Variants in NAPA observed in about 807,000 individuals in gnomAD.
NAPA encodes alpha-soluble NSF attachment protein.
NAPA carries 18 observed loss-of-function variants against 48.0 expected under a neutral mutation model. The observed-to-expected ratio is 0.38, with a 90% confidence interval of 0.26 to 0.56. NAPA has a LOEUF of 0.56. NAPA is among the 20% of genes least tolerant of loss of function. The probability of loss-of-function intolerance (pLI) is 0.77; values close to 1 mark genes in which losing one functional copy is unlikely to be tolerated. For synonymous variants in NAPA, 152 were observed against 149.9 expected (o/e 1.01, Z -0.10); for missense variants, 315 against 385.0 (o/e 0.82, Z 1.52).
At chr19:47,490,742 C>A (rs556305080) in intron 9 of NAPA, 46 bp downstream of exon 9, 17 of 1,575,324 alleles carry the variant, frequency 1.1e-5, no homozygotes, top group Admixed American at 1.7e-5. Context: ...CCAGCCACCC[C>A]CGTCTGAGGT....
chr19:47,500,036 G>C (rs1341577717), intron 3 of NAPA, among the ~76,000 whole-genome samples: 5 of 152,178 alleles, frequency 3.3e-5, no homozygotes, highest in Non-Finnish European at 7.4e-5. Flanking sequence ...TCCTCTTCGG[G>C]AGGCACCCAG....
At chr19:47,490,029 G>T (rs1044210028) in intron 9 of NAPA, among the ~76,000 whole-genome samples, 6 of 151,808 alleles carry the variant, frequency 4.0e-5, no homozygotes, top group Non-Finnish European at 5.9e-5. Flanking sequence ...GGGTATGGGG[G>T]GTGTGTGTGT....
intron 3 of NAPA, 76 bp from the exon 4 acceptor site, chr19:47,495,672 C>G: frequency 7.0e-7 from 1 of 1,432,600 alleles, no homozygotes; most frequent in Non-Finnish European, 9.8e-7. Context: ...AGGAGGCGGA[C>G]GCAGGCGCAC....
intron 3 of NAPA, 161 bp from the exon 4 acceptor site, chr19:47,495,757 AAG>A: frequency 1.5e-6 from 1 of 664,700 alleles, no homozygotes; most frequent in Non-Finnish European, 2.7e-6. Flanking sequence ...GGCTGGGAAG[AAG>A]GGGACGGAAT....
Position 47,488,243 on chromosome 19 carries a change from G to T in NAPA, c.*45C>A. 1 of 1,532,150 alleles carries T rather than the reference G, an allele frequency of 6.5e-7. No individual in the cohort carries two copies. 94.9% of individuals were successfully genotyped at this position (1,532,150 alleles called of 1,614,324 possible). A position where few individuals can be genotyped will look rare whatever the true frequency, so the allele number is the denominator to read the frequency against. On this transcript the variant is annotated 3_prime_UTR_variant, in exon 11 of 11. Transcript: ENST00000263354. ...GCAAGTCTCGGCCCCACCTCTCTCT[G>T]AGCAGATGGGACAGGAAGACGGGCA...
chr19:47,495,659 G>A (rs531931793), intron 3 of NAPA, 63 bp from the exon 4 acceptor site: 2 of 1,541,142 alleles, frequency 1.3e-6, no homozygotes, highest in South Asian at 2.2e-5. Flanking sequence ...AGAAGCTGAG[G>A]AGAGGAGGCG....
At chr19:47,513,403 C>T (rs193163767) in intron 1 of NAPA, among the ~76,000 whole-genome samples, 1 of 152,190 alleles carries the variant, frequency 6.6e-6, no homozygotes, top group African/African-American at 2.4e-5. Context: ...TGTAACTCCA[C>T]GCCAGGCTCA....
At chr19:47,505,812 G>A (rs1968682131) in intron 1 of NAPA, among the ~76,000 whole-genome samples, 1 of 152,028 alleles carries the variant, frequency 6.6e-6, no homozygotes, top group Non-Finnish European at 1.5e-5. Flanking sequence ...CATCTTGCCA[G>A]ATGAAAAGCC....
At chr19:47,489,211 T>C (rs1968173208) in intron 10 of NAPA, 1 of 161,812 alleles carries the variant, frequency 6.2e-6, no homozygotes, top group African/African-American at 2.4e-5. Flanking sequence ...CGGACACCAC[T>C]AAGCCCGGGA....
chr19:47,503,470 A>C lies in NAPA; in HGVS notation c.131T>G (p.Ile44Ser). 1 of 1,614,246 alleles carries C rather than the reference A, an allele frequency of 6.2e-7. No homozygotes were observed. Among genetic ancestry groups the C allele is most frequent in the Non-Finnish European group, 8.5e-7 (1 of 1,180,048 alleles). The part of the protein sequence containing the change: ...GSSKIEEACE[I>S]YARAANMFKM... ...GAACATGTTTGCTGCTCTGGCGTAG[A>C]TTTCGCATGCTTCCTCTATTTTGGA... The change falls in exon 2 of 11, where the codon ATC becomes AGC. Residue 44 changes from isoleucine (I) to serine (S), a missense_variant. Physicochemically the swap from Ile to Ser is moderately radical, Grantham distance 142. This residue lies in a region of NAPA where 173 missense variants were observed against 213.5 expected (regional missense o/e 0.81). Transcript: ENST00000263354.
rs1968632900 is a variant in NAPA at position 47,503,648 on chromosome 19, T to G, written c.99-146A>C. ...CAGCTTCCCCCAGGCCTCTTGAGTC[T>G]GTGGCCCCCGCCCCTGCATACAATG... On this transcript the variant is annotated intron_variant, in intron 1 of 10. Coordinates refer to ENST00000263354, the MANE Select transcript of NAPA (RefSeq NM_003827.4). The G allele has an allele frequency of 1.6e-5, 12 of 747,420 alleles. No individual in the cohort carries two copies. The East Asian group carries it at 3.2e-4, about 20-fold the overall frequency. The allele number at this position is 747,420 out of a possible 1,614,324, so 46.3% of individuals were successfully genotyped here.
intron 1 of NAPA, among the ~76,000 whole-genome samples, chr19:47,509,445 G>A (rs1182373937): frequency 2.0e-5 from 3 of 152,208 alleles, no homozygotes; most frequent in Admixed American, 6.5e-5. Flanking sequence ...GTTTCCTTAT[G>A]TGTAACTAGG....
At chr19:47,494,038 C>G (rs1968351803) in intron 4 of NAPA, among the ~76,000 whole-genome samples, 1 of 152,334 alleles carries the variant, frequency 6.6e-6, no homozygotes, top group Admixed American at 6.5e-5. Context: ...GGGCCTCGCA[C>G]CTTCCATCCG....
At chr19:47,485,203 G>A (rs527525720), downstream of NAPA, among the ~76,000 whole-genome samples, 1 of 152,204 alleles carries the variant, frequency 6.6e-6, no homozygotes, top group Non-Finnish European at 1.5e-5. Context: ...ACTTATTCAG[G>A]ATTCATTGAG....
downstream of NAPA, among the ~76,000 whole-genome samples, chr19:47,485,440 T>G (rs1568460053): frequency 6.6e-6 from 1 of 152,192 alleles, no homozygotes; most frequent in Non-Finnish European, 1.5e-5. Context: ...GCTTTGTCCC[T>G]AGAAGGCCAT....
At position 47,515,058 on chromosome 19, in the gene NAPA, G is replaced by C. The variant is rs1303461651; in HGVS notation, c.-118C>G. On this transcript the variant is annotated 5_prime_UTR_variant, in exon 1 of 11. Coordinates refer to ENST00000263354, the MANE Select transcript of NAPA (RefSeq NM_003827.4). ...GCCCGGCTGCGTTGACGTCGCACCG[G>C]CGCGCGTCGCTTGCGGCCAGGAACC... 3 of 1,046,822 alleles carry C rather than the reference G, an allele frequency of 2.9e-6. No individual in the cohort carries two copies. The highest frequency in any genetic ancestry group is 2.8e-6 in the Non-Finnish European group (2 of 727,238). 64.8% of individuals were successfully genotyped at this position (1,046,822 alleles called of 1,614,324 possible).
At chr19:47,490,124 T>C (rs2122722534) in intron 9 of NAPA, among the ~76,000 whole-genome samples, 1 of 145,308 alleles carries the variant, frequency 6.9e-6, no homozygotes, top group East Asian at 2.1e-4. Context: ...GTGTTTGGTG[T>C]GTGTTGAGTT....
At chr19:47,508,667 G>A (rs1295381785) in intron 1 of NAPA, among the ~76,000 whole-genome samples, 2 of 151,784 alleles carry the variant, frequency 1.3e-5, no homozygotes. Context: ...TTATCCCTGA[G>A]GCTTTTTTTT....
At chr19:47,500,817 C>A in intron 2 of NAPA, 68 bp from the exon 3 acceptor site, 3 of 1,269,456 alleles carry the variant, frequency 2.4e-6, no homozygotes, top group South Asian at 1.4e-5. Flanking sequence ...CACAGAGACA[C>A]TGCCCTGGGA....
Sources: allele counts gnomAD v4.1 joint callset (sites outside exome capture counted in the v4.1 genomes callset), GRCh38; gene constraint gnomAD v4.1.1; regional missense constraint gnomAD v4.1.1; transcripts MANE v1.5; gene names NCBI Gene and HGNC (gene_info 2026-07-23, HGNC 2026-07-21).